Variants in RAB18 observed in about 807,000 individuals in gnomAD.
RAB18 encodes the protein ras-related protein Rab-18.
In RAB18, 10 loss-of-function variants were observed where a neutral mutation model predicts 28.5. The observed-to-expected ratio is 0.35, with a 90% CI of 0.22 to 0.60. The LOEUF is 0.60. Among genes scored for constraint, RAB18 ranks in the 20% least tolerant of loss-of-function variants. The pLI is 0.78. For synonymous variants in RAB18, 93 were observed against 86.9 expected, an observed-to-expected ratio of 1.07 and a Z score of -0.39; for missense variants, 188 against 244.2, an observed-to-expected ratio of 0.77 and a Z score of 1.53.
At chr10:27,506,080 C>T (rs953352651) in intron 1 of RAB18, among the ~76,000 whole-genome samples, 1 of 152,172 alleles carries the variant, frequency 6.6e-6, no homozygotes, top group Non-Finnish European at 1.5e-5. Flanking sequence ...ATAGGAATTT[C>T]ACAGCCTTGT....
At chr10:27,536,014 C>T (rs574727264) in intron 6 of RAB18, among the ~76,000 whole-genome samples, 20 of 146,150 alleles carry the variant, frequency 1.4e-4, no homozygotes, top group Admixed American at 2.7e-4. Context: ...ACCTGGGAGG[C>T]GGAGCTTGCA....
rs1175730807 is a variant in RAB18 at position 27,538,320 on chromosome 10, G to A, written c.*269G>A. On this transcript the variant is annotated 3_prime_UTR_variant, in exon 7 of 7. Coordinates refer to ENST00000356940, the MANE Select transcript of RAB18 (RefSeq NM_021252.5). ...CAATTTTATGATTTACATTTATCAT[G>A]TAATTTTTAAAAAAATCCATCTATC... 1 of 556,644 alleles carries A rather than the reference G, an allele frequency of 1.8e-6. No homozygotes were observed. The highest frequency in any genetic ancestry group is 3.4e-6 in the Non-Finnish European group (1 of 294,962). 34.5% of individuals were successfully genotyped at this position (556,644 alleles called of 1,614,324 possible).
chr10:27,510,029 G>C (rs988056545), intron 2 of RAB18, 99 bp downstream of exon 2: 2 of 880,748 alleles, frequency 2.3e-6, no homozygotes, highest in African/African-American at 3.3e-5. Flanking sequence ...CCACCCCACT[G>C]CCTCCATGTC....
Position 27,538,273 on chromosome 10 carries a change from G to A in RAB18, c.*222G>A, listed in dbSNP as rs2132415882. 1 of 662,940 alleles carries A rather than the reference G, an allele frequency of 1.5e-6. No homozygotes were observed. The highest frequency in any genetic ancestry group is 2.8e-6 in the Non-Finnish European group (1 of 363,410). 41.1% of individuals were successfully genotyped at this position (662,940 alleles called of 1,614,324 possible). A position where few individuals can be genotyped will look rare whatever the true frequency, so the allele number is the denominator to read the frequency against. On this transcript the variant is annotated 3_prime_UTR_variant, in exon 7 of 7. Transcript: ENST00000356940. ...CAGTTTTTTTATGTAGCACAAAATAGGTGTACCTTTATAAGTACATTCAAT... is the reference window on the plus strand; with the variant it reads ...CAGTTTTTTTATGTAGCACAAAATAAGTGTACCTTTATAAGTACATTCAAT...
At position 27,541,635 on chromosome 10, in the gene RAB18, CTTTT is replaced by C; in HGVS notation, c.*3594_*3597del. ...CGTTTCTCATGCAGGTTATTTCTTG[CTTTT>C]TTTTTTTTTCCTCTTTTTTAACCGG... is the stretch of plus-strand genomic sequence containing the variant. On this transcript the variant is annotated 3_prime_UTR_variant, in exon 7 of 7. Coordinates refer to ENST00000356940, the MANE Select transcript of RAB18 (RefSeq NM_021252.5). The C allele has an allele frequency of 4.7e-6, 2 of 427,348 alleles. No individual in the cohort carries two copies. Among genetic ancestry groups the C allele is most frequent in the Non-Finnish European group, 4.6e-6 (1 of 217,326 alleles). 26.5% of individuals were successfully genotyped at this position (427,348 alleles called of 1,614,324 possible). A position where few individuals can be genotyped will look rare whatever the true frequency, so the allele number is the denominator to read the frequency against.
At chr10:27,509,850 CCTGT>C (rs757984949) in intron 1 of RAB18, 21 bp from the exon 2 acceptor site, 2 of 1,595,826 alleles carry the variant, frequency 1.3e-6, no homozygotes, top group Non-Finnish European at 1.7e-6. Context: ...AAGTTCCCAA[CCTGT>C]CTTTTTAATA....
intron 2 of RAB18, among the ~76,000 whole-genome samples, chr10:27,519,918 A>G (rs1182525636): frequency 6.6e-6 from 1 of 152,168 alleles, no homozygotes; most frequent in Non-Finnish European, 1.5e-5. Flanking sequence ...GACATTAGCC[A>G]TGGGTTTTTC....
intron 1 of RAB18, among the ~76,000 whole-genome samples, chr10:27,505,620 C>T (rs371959194): frequency 6.6e-6 from 1 of 152,108 alleles, no homozygotes; most frequent in African/African-American, 2.4e-5. Context: ...AGTGCAGTGG[C>T]GCGATCTCGG....
rs1223642933 is a variant in RAB18 at position 27,510,001 on chromosome 10, C to G, written c.124+71C>G. The G allele has an allele frequency of 5.0e-6, 6 of 1,190,880 alleles. No individual in the cohort carries two copies. The African/African-American group carries it at 9.0e-5, about 18-fold the overall frequency. 73.8% of individuals were successfully genotyped at this position (1,190,880 alleles called of 1,614,324 possible). A position where few individuals can be genotyped will look rare whatever the true frequency, so the allele number is the denominator to read the frequency against. On this transcript the variant is annotated intron_variant, in intron 2 of 6. Transcript: ENST00000356940. ...TGCCTTTGGCCTTTTTAATCTAAATCCTTCTACCTTCCTCTCACCACCCCA... is the reference window on the plus strand; with the variant it reads ...TGCCTTTGGCCTTTTTAATCTAAATGCTTCTACCTTCCTCTCACCACCCCA...
Position 27,537,858 on chromosome 10 carries a change from T to G in RAB18, c.446-18T>G. 1 of 1,603,530 alleles carries G rather than the reference T, an allele frequency of 6.2e-7. No homozygotes were observed. Among genetic ancestry groups the G allele is most frequent in the Non-Finnish European group, 8.5e-7 (1 of 1,170,712 alleles). ...AGAAAGGAATATACTATGAATGACCTTTTTCCTTGAATTTCAGAGGCAAGT... is the reference window on the plus strand; with the variant it reads ...AGAAAGGAATATACTATGAATGACCGTTTTCCTTGAATTTCAGAGGCAAGT... On this transcript the variant is annotated intron_variant, in intron 6 of 6. Coordinates refer to ENST00000356940, the MANE Select transcript of RAB18 (RefSeq NM_021252.5).
intron 3 of RAB18, chr10:27,531,694 C>T (rs369280124): frequency 2.9e-6 from 2 of 693,952 alleles, no homozygotes; most frequent in African/African-American, 3.5e-5. Context: ...TTTGTATAAT[C>T]TTAGGTACCT....
intron 1 of RAB18, among the ~76,000 whole-genome samples, chr10:27,509,022 T>C (rs1383401046): frequency 6.6e-6 from 1 of 152,218 alleles, no homozygotes; most frequent in East Asian, 1.9e-4. Context: ...TAACTGACAC[T>C]TCTGCTTCAT....
rs1834981227 is a variant in RAB18, at chr10:27,539,660, T to G, written c.*1609T>G. 4.4e-6 allele frequency: 2 copies of G among 453,424 alleles called. No homozygotes were observed. The highest frequency in any genetic ancestry group is 8.8e-6 in the Non-Finnish European group (2 of 226,590). The allele number at this position is 453,424 out of a possible 1,614,324, so 28.1% of individuals were successfully genotyped here. Reference sequence around the variant, plus strand: ...GAGTCTGTATTGACAAGACTGTTGTTTTTTGCTCCTTGAGCTATATAATAA... The same window carrying G: ...GAGTCTGTATTGACAAGACTGTTGTGTTTTGCTCCTTGAGCTATATAATAA... On this transcript the variant is annotated 3_prime_UTR_variant, in exon 7 of 7. Coordinates refer to ENST00000356940, the MANE Select transcript of RAB18 (RefSeq NM_021252.5).
chr10:27,509,853 G>A, intron 1 of RAB18, 22 bp from the exon 2 acceptor site: 1 of 1,601,760 alleles, frequency 6.2e-7, no homozygotes, highest in Non-Finnish European at 8.5e-7. Flanking sequence ...TTCCCAACCT[G>A]TCTTTTTAAT....
chr10:27,509,753 A>G (rs935566344), intron 1 of RAB18, 122 bp from the exon 2 acceptor site: 1 of 789,820 alleles, frequency 1.3e-6, no homozygotes, highest in African/African-American at 1.7e-5. Flanking sequence ...ATTCCTAGGA[A>G]CAGGCCTACA....
intron 2 of RAB18, among the ~76,000 whole-genome samples, chr10:27,513,396 T>C (rs1193390674): frequency 2.6e-5 from 4 of 152,130 alleles, no homozygotes; most frequent in African/African-American, 7.2e-5. Flanking sequence ...TAGTGTTTTA[T>C]GAAAATTGGT....
rs1269280628 is a variant in RAB18, at chr10:27,524,079, CA to C, written c.125-2739del. 7.5e-5 allele frequency among the ~76,000 whole-genome samples: 11 copies of C among 146,874 alleles called. 1 individual carries two copies. The South Asian group carries it at 8.7e-4, about 12-fold the overall frequency. ...TGGCCAACAGAGCAAGACTCCGTCT[CA>C]AAAAAAAAATAAAAATAAAAATTTA... On this transcript the variant is annotated intron_variant, in intron 2 of 6. Transcript: ENST00000356940.
intron 2 of RAB18, among the ~76,000 whole-genome samples, chr10:27,514,738 C>T (rs1834398210): frequency 6.6e-6 from 1 of 151,652 alleles, no homozygotes; most frequent in Non-Finnish European, 1.5e-5. Flanking sequence ...AATAAACATT[C>T]ATACACACAA....
rs1039414802 is a variant in RAB18 at position 27,526,987 on chromosome 10, A to C, written c.186+98A>C. ...GTGTTCTAGAGGTGGTGAATGAACA[A>C]TTTGTATTAAATAACTTTTGGGAGA... is the stretch of plus-strand genomic sequence containing the variant. On this transcript the variant is annotated intron_variant, in intron 3 of 6. Transcript: ENST00000356940. 6.4e-6 allele frequency: 8 copies of C among 1,254,770 alleles called. No homozygotes were observed. In the African/African-American group the frequency reaches 1.0e-4, roughly 16 times the overall value. 77.7% of individuals were successfully genotyped at this position (1,254,770 alleles called of 1,614,324 possible). A position where few individuals can be genotyped will look rare whatever the true frequency, so the allele number is the denominator to read the frequency against.
Sources: allele counts gnomAD v4.1 joint callset (sites outside exome capture counted in the v4.1 genomes callset), GRCh38; gene constraint gnomAD v4.1.1; transcripts MANE v1.5; gene names NCBI Gene and HGNC (gene_info 2026-07-23, HGNC 2026-07-21).